Variants in CSMD1 observed in about 807,000 individuals in gnomAD.
The protein encoded by CSMD1 is CUB and sushi domain-containing protein 1.
Under a neutral mutation model 417.5 loss-of-function variants are expected in CSMD1, and 213 were observed. The observed-to-expected ratio is 0.51, with a 90% CI of 0.46 to 0.57. CSMD1 has a LOEUF of 0.57. Among genes scored for constraint, CSMD1 ranks in the 20% least tolerant of loss-of-function variants. The pLI, the probability that CSMD1 is intolerant of heterozygous loss-of-function variation, is 0.00. For missense variants in CSMD1, 6,923 were observed against 4,529.7 expected (o/e 1.53, Z -15.17); for synonymous variants, 2,862 against 1,736.8 (o/e 1.65, Z -16.11).
intron 1 of CSMD1, among the ~76,000 whole-genome samples, chr8:4,758,505 C>G (rs779318121): frequency 2.0e-5 from 3 of 152,134 alleles, no homozygotes; most frequent in African/African-American, 4.8e-5. Context: ...CTGTGCTGGT[C>G]AGTAGGGCCT....
intron 7 of CSMD1, among the ~76,000 whole-genome samples, chr8:3,663,074 A>T (rs1798501882): frequency 6.6e-6 from 1 of 152,062 alleles, no homozygotes. Context: ...AGATGTCAGC[A>T]AAATCAGAGC....
At chr8:3,763,081 C>G (rs1203417218) in intron 5 of CSMD1, among the ~76,000 whole-genome samples, 1 of 152,160 alleles carries the variant, frequency 6.6e-6, no homozygotes, top group African/African-American at 2.4e-5. Flanking sequence ...TTCTCACGGT[C>G]TCTCTGGCAC....
At chr8:4,355,446 T>C (rs1167912261) in intron 3 of CSMD1, among the ~76,000 whole-genome samples, 1 of 152,036 alleles carries the variant, frequency 6.6e-6, no homozygotes, top group Non-Finnish European at 1.5e-5. Flanking sequence ...TGTTTGCATG[T>C]AGGAAAGCAT....
chr8:3,040,739 G>T (rs1051642046), intron 50 of CSMD1, among the ~76,000 whole-genome samples: 1 of 152,076 alleles, frequency 6.6e-6, no homozygotes, highest in Non-Finnish European at 1.5e-5. Flanking sequence ...AGAGACAGAG[G>T]TTAGAGCGAG....
chr8:4,001,248 C>T (rs1815648755), intron 4 of CSMD1, among the ~76,000 whole-genome samples: 1 of 152,094 alleles, frequency 6.6e-6, no homozygotes, highest in Non-Finnish European at 1.5e-5. Context: ...GTAACCTTGA[C>T]CAGAAGTGAA....
intron 57 of CSMD1, among the ~76,000 whole-genome samples, chr8:2,970,029 G>T (rs1020426152): frequency 6.6e-6 from 1 of 152,068 alleles, no homozygotes; most frequent in African/African-American, 2.4e-5. Flanking sequence ...GCTTTTAAGG[G>T]CTAAGTTTCT....
Position 4,416,148 on chromosome 8 carries a change from T to C in CSMD1, c.415+3805A>G, listed in dbSNP as rs73512727. On this transcript the variant is annotated intron_variant, in intron 3 of 69. Coordinates refer to ENST00000635120, the MANE Select transcript of CSMD1 (RefSeq NM_033225.6). Reference sequence around the variant, plus strand: ...CCTTACACTATGGAGAAAAGTTCTATACAAAGCAAGTAGTGATTCTAGTTA... The same window carrying C: ...CCTTACACTATGGAGAAAAGTTCTACACAAAGCAAGTAGTGATTCTAGTTA... 5.6e-3 allele frequency among the ~76,000 whole-genome samples: 853 copies of C among 152,314 alleles called. 5 individuals carry two copies. Among genetic ancestry groups the C allele is most frequent in the African/African-American group, 0.02 (822 of 41,566 alleles).
rs1815342656 is a variant in CSMD1, at chr8:3,997,924, C to T, written c.797G>A (p.Gly266Asp). 5 of 1,612,254 alleles carry T rather than the reference C, an allele frequency of 3.1e-6. No homozygotes were observed. The highest frequency in any genetic ancestry group is 1.1e-5 in the South Asian group (1 of 90,512). ...TTACCATATGGATGGAGCTTCCGTG[C>T]CACTGATCTCTAAGAAATCATATCC... ...EEGYDFLEIS[G>D]TEAPSIWLTG... Residue 266 changes from glycine to aspartate, a missense_variant, in exon 5 of 70, where the codon GGC becomes GAC. Coordinates refer to ENST00000635120, the MANE Select transcript of CSMD1 (RefSeq NM_033225.6).
intron 5 of CSMD1, among the ~76,000 whole-genome samples, chr8:3,982,202 A>AATAAT (rs1813936415): frequency 6.5e-5 from 7 of 107,164 alleles, no homozygotes; most frequent in Non-Finnish European, 1.0e-4. Context: ...TTAATAAAAA[A>AATAAT]AATAATAATA....
At chr8:3,349,805 A>G (rs1174724965) in intron 21 of CSMD1, among the ~76,000 whole-genome samples, 2 of 124,360 alleles carry the variant, frequency 1.6e-5, no homozygotes, top group African/African-American at 2.9e-5. Flanking sequence ...CTATAAATAG[A>G]TATAAATATA....
intron 3 of CSMD1, among the ~76,000 whole-genome samples, chr8:4,139,599 G>T (rs545534361): frequency 6.6e-6 from 1 of 151,308 alleles, no homozygotes; most frequent in East Asian, 1.9e-4. Flanking sequence ...TGGGCATCAA[G>T]GGGACAAGGA....
At chr8:4,211,101 A>C (rs912106362) in intron 3 of CSMD1, among the ~76,000 whole-genome samples, 3 of 152,166 alleles carry the variant, frequency 2.0e-5, no homozygotes, top group African/African-American at 7.2e-5. Context: ...ACATTTTGGG[A>C]ATTTTCTTGC....
intron 3 of CSMD1, among the ~76,000 whole-genome samples, chr8:4,102,895 T>G (rs572428838): frequency 1.3e-5 from 2 of 152,328 alleles, no homozygotes; most frequent in South Asian, 4.1e-4. Context: ...CTAAAGGTTA[T>G]AGCAAAGTGC....
chr8:4,944,044 G>A (rs145684705), intron 1 of CSMD1, among the ~76,000 whole-genome samples: 3 of 152,152 alleles, frequency 2.0e-5, no homozygotes, highest in Admixed American at 2.0e-4. Flanking sequence ...GGAAAGTCTG[G>A]GGAAAGAAGT....
chr8:4,093,746 A>C (rs1033010755), intron 3 of CSMD1, among the ~76,000 whole-genome samples: 1 of 152,176 alleles, frequency 6.6e-6, no homozygotes, highest in Non-Finnish European at 1.5e-5. Flanking sequence ...AGATAAACTG[A>C]GGTCAGGAGT....
At chr8:4,419,237 T>A (rs1443483345) in intron 3 of CSMD1, among the ~76,000 whole-genome samples, 2 of 152,194 alleles carry the variant, frequency 1.3e-5, no homozygotes, top group Non-Finnish European at 2.9e-5. Context: ...AGCTCTTGTA[T>A]TACGTGTAAA....
At chr8:4,354,670 T>C (rs1008522765) in intron 3 of CSMD1, among the ~76,000 whole-genome samples, 3 of 152,070 alleles carry the variant, frequency 2.0e-5, no homozygotes, top group Non-Finnish European at 1.5e-5. Flanking sequence ...GAATTTAAAA[T>C]TTTTGTAACA....
At chr8:4,339,994 A>C (rs982166910) in intron 3 of CSMD1, among the ~76,000 whole-genome samples, 8 of 152,126 alleles carry the variant, frequency 5.3e-5, no homozygotes, top group Non-Finnish European at 4.4e-5. Context: ...ACTGCAGTCC[A>C]GCCTGGACAA....
intron 1 of CSMD1, among the ~76,000 whole-genome samples, chr8:4,850,714 C>T (rs1408344245): frequency 3.9e-5 from 6 of 152,026 alleles, no homozygotes; most frequent in African/African-American, 1.4e-4. Context: ...TGCAGAGTGT[C>T]GTGAAGCAGT....
Sources: allele counts gnomAD v4.1 joint callset (sites outside exome capture counted in the v4.1 genomes callset), GRCh38; gene constraint gnomAD v4.1.1; transcripts MANE v1.5; gene names NCBI Gene and HGNC (gene_info 2026-07-23, HGNC 2026-07-21).